Variants in NEDD4L observed in about 807,000 individuals in gnomAD.
NEDD4L encodes E3 ubiquitin-protein ligase NEDD4-like.
In NEDD4L, 54 loss-of-function variants were observed where a neutral mutation model predicts 148.9. The observed-to-expected ratio is 0.36, with a 90% CI of 0.29 to 0.45. The LOEUF (loss-of-function observed/expected upper bound fraction) is 0.45. Ranked by LOEUF, NEDD4L falls within the 20% of genes least tolerant of loss-of-function variation. The pLI, the probability that NEDD4L is intolerant of heterozygous loss-of-function variation, is 1.00. For synonymous variants in NEDD4L, 433 were observed against 440.7 expected (o/e 0.98, Z 0.22); for missense variants, 856 against 1,233.8 (o/e 0.69, Z 4.59).
intron 1 of NEDD4L, chr18:58,149,525 T>C (rs1479350322): frequency 1.3e-6 from 2 of 1,551,412 alleles, no homozygotes; most frequent in East Asian, 2.4e-5. Flanking sequence ...TTTAATATTG[T>C]ATTCTCCTAA....
chr18:58,384,674 C>A (rs2048776712), intron 25 of NEDD4L, among the ~76,000 whole-genome samples: 1 of 152,220 alleles, frequency 6.6e-6, no homozygotes, highest in Non-Finnish European at 1.5e-5. Flanking sequence ...TCACCAACTG[C>A]TCCCTGATAC....
chr18:58,159,340 G>A (rs1026728295), intron 1 of NEDD4L, among the ~76,000 whole-genome samples: 3 of 152,140 alleles, frequency 2.0e-5, no homozygotes, highest in Non-Finnish European at 4.4e-5. Context: ...TTATACATTT[G>A]TCCAAACTCA....
At chr18:58,168,753 A>G (rs1446916216) in intron 2 of NEDD4L, among the ~76,000 whole-genome samples, 1 of 152,210 alleles carries the variant, frequency 6.6e-6, no homozygotes, top group African/African-American at 2.4e-5. Context: ...GTGAAAGAGG[A>G]AGAACATTTT....
At chr18:58,347,214 G>GCCCC (rs1293604264) in intron 16 of NEDD4L, among the ~76,000 whole-genome samples, 1 of 34,032 alleles carries the variant, frequency 2.9e-5, no homozygotes, top group African/African-American at 1.4e-4. Context: ...GGCCCCCCCC[G>GCCCC]CCCCCCCCCC....
chr18:58,161,523 A>C (rs981536056), intron 1 of NEDD4L, among the ~76,000 whole-genome samples: 2 of 151,810 alleles, frequency 1.3e-5, no homozygotes, highest in African/African-American at 4.8e-5. Flanking sequence ...CAGTCCAAAG[A>C]AATGATTCAT....
intron 2 of NEDD4L, among the ~76,000 whole-genome samples, chr18:58,184,864 C>G (rs868562516): frequency 7.0e-4 from 106 of 151,860 alleles, no homozygotes; most frequent in Middle Eastern, 3.4e-3. Context: ...GGAGGTGGAG[C>G]TTGCAGGGAG....
At chr18:58,387,768 C>T in intron 27 of NEDD4L, 2 of 320,356 alleles carry the variant, frequency 6.2e-6, no homozygotes, top group Non-Finnish European at 1.1e-5. Context: ...CTGGAACATG[C>T]CTAGTAAGTA....
At chr18:58,145,872 T>A (rs934794275) in intron 1 of NEDD4L, among the ~76,000 whole-genome samples, 1 of 151,922 alleles carries the variant, frequency 6.6e-6, no homozygotes, top group Non-Finnish European at 1.5e-5. Flanking sequence ...TTACTCTTTG[T>A]CAGTCAGGTG....
intron 14 of NEDD4L, 142 bp downstream of exon 14, chr18:58,341,311 T>A: frequency 1.1e-6 from 1 of 922,306 alleles, no homozygotes; most frequent in Non-Finnish European, 1.6e-6. Flanking sequence ...TGCATTACTT[T>A]AAATACAATA....
At chr18:58,340,125 T>C (rs1054708271) in intron 13 of NEDD4L, among the ~76,000 whole-genome samples, 6 of 152,154 alleles carry the variant, frequency 3.9e-5, no homozygotes, top group African/African-American at 9.7e-5. Context: ...GGCACAGATA[T>C]TACATGCATC....
intron 13 of NEDD4L, among the ~76,000 whole-genome samples, chr18:58,337,137 C>G (rs554761579): frequency 6.6e-6 from 1 of 152,096 alleles, no homozygotes; most frequent in Non-Finnish European, 1.5e-5. Flanking sequence ...CCGGGTGGCA[C>G]GTTAGACTGC....
chr18:58,111,673 C>T (rs1315727786), intron 1 of NEDD4L, among the ~76,000 whole-genome samples: 1 of 152,118 alleles, frequency 6.6e-6, no homozygotes, highest in Non-Finnish European at 1.5e-5. Context: ...GTTATAAAAC[C>T]ATATGGTTTC....
chr18:58,188,449 C>T (rs1038573636), intron 2 of NEDD4L, among the ~76,000 whole-genome samples: 1 of 152,200 alleles, frequency 6.6e-6, no homozygotes, highest in African/African-American at 2.4e-5. Flanking sequence ...GTGGGTCCAC[C>T]TCTGCAGACT....
At chr18:58,143,628 C>A (rs2033790575) in intron 1 of NEDD4L, among the ~76,000 whole-genome samples, 1 of 152,174 alleles carries the variant, frequency 6.6e-6, no homozygotes, top group Non-Finnish European at 1.5e-5. Flanking sequence ...GAAGCATAAA[C>A]ACATGACCTG....
At chr18:58,122,569 A>G (rs2145837012) in intron 1 of NEDD4L, among the ~76,000 whole-genome samples, 1 of 152,276 alleles carries the variant, frequency 6.6e-6, no homozygotes, top group East Asian at 1.9e-4. Flanking sequence ...GCTACCTCCA[A>G]CTTGCCCTTT....
intron 8 of NEDD4L, among the ~76,000 whole-genome samples, chr18:58,324,330 G>C (rs767774025): frequency 2.3e-4 from 35 of 152,234 alleles, no homozygotes; most frequent in Non-Finnish European, 8.8e-5. Flanking sequence ...CTGTAAAAAT[G>C]GAACTCGAAT....
chr18:58,265,376 G>A (rs947587797), intron 5 of NEDD4L, among the ~76,000 whole-genome samples: 3 of 151,950 alleles, frequency 2.0e-5, no homozygotes, highest in Non-Finnish European at 4.4e-5. Context: ...CTTCCTTGCT[G>A]GCCTGCCTTC....
intron 1 of NEDD4L, among the ~76,000 whole-genome samples, chr18:58,132,115 A>T (rs2032241587): frequency 6.6e-6 from 1 of 152,204 alleles, no homozygotes; most frequent in African/African-American, 2.4e-5. Flanking sequence ...AGGGGACAGA[A>T]ACCACAGACC....
chr18:58,255,503 C>G (rs1057333721), intron 5 of NEDD4L: 5 of 1,230,690 alleles, frequency 4.1e-6, no homozygotes, highest in Non-Finnish European at 5.1e-6. Flanking sequence ...TGCTATCTGT[C>G]GCTCCCGGTG....
Sources: gnomAD v4.1 joint callset for allele counts (sites outside exome capture counted in the v4.1 genomes callset) on GRCh38, gnomAD v4.1.1 for gene constraint, MANE v1.5 for transcripts, NCBI Gene and HGNC (gene_info 2026-07-23, HGNC 2026-07-21) for gene names.